Variants in CNOT10 observed in about 807,000 individuals in gnomAD.
The protein encoded by CNOT10 is CCR4-NOT transcription complex subunit 10, also known as CCR4-NOT transcription complex, subunit 10.
A neutral mutation model predicts 94.6 loss-of-function variants in CNOT10; 30 were observed. That is an observed-to-expected ratio of 0.32 (90% CI 0.24 to 0.43). The LOEUF (loss-of-function observed/expected upper bound fraction) is 0.43, where lower values mean the gene tolerates loss of function less well. Ranked by LOEUF, CNOT10 falls within the 20% of genes least tolerant of loss-of-function variation. The pLI, the probability that CNOT10 is intolerant of heterozygous loss-of-function variation, is 1.00. For synonymous variants in CNOT10, 289 were observed against 301.6 expected, an observed-to-expected ratio of 0.96 and a Z score of 0.43; for missense variants, 759 against 877.2, an observed-to-expected ratio of 0.87 and a Z score of 1.70.
chr3:32,753,714 G>T (rs1041840924), intron 13 of CNOT10: 70 of 1,592,552 alleles, frequency 4.4e-5, no homozygotes, highest in Non-Finnish European at 5.6e-5. Context: ...ATGAAAAGTT[G>T]GAGGGAGATG....
intron 13 of CNOT10, among the ~76,000 whole-genome samples, chr3:32,758,237 T>TACTAC (rs2125628843): frequency 6.6e-6 from 1 of 152,340 alleles, no homozygotes; most frequent in South Asian, 2.1e-4. Flanking sequence ...AGACAGTCTT[T>TACTAC]CAGCCCTCCC....
At chr3:32,721,628 A>G (rs1442646413) in intron 8 of CNOT10, among the ~76,000 whole-genome samples, 2 of 150,436 alleles carry the variant, frequency 1.3e-5, no homozygotes, top group Non-Finnish European at 3.0e-5. Context: ...TGCTAGGAAG[A>G]TAAGTATTAT....
rs777206392 is a variant in CNOT10 at position 32,733,403 on chromosome 3, A to G, written c.1216-20A>G. The G allele has an allele frequency of 3.9e-6, 6 of 1,533,984 alleles. No individual in the cohort carries two copies. In the Admixed American group the frequency reaches 1.2e-4, roughly 31 times the overall value. On this transcript the variant is annotated intron_variant, in intron 10 of 18. Transcript: ENST00000328834. ...CTTACAATTCCCTTAAATTTATTGGAAATTATTTGTATTTTGTAGACTTCT... is the reference window on the plus strand; with the variant it reads ...CTTACAATTCCCTTAAATTTATTGGGAATTATTTGTATTTTGTAGACTTCT...
intron 13 of CNOT10, among the ~76,000 whole-genome samples, chr3:32,748,386 T>G (rs1699803782): frequency 6.6e-6 from 1 of 152,230 alleles, no homozygotes; most frequent in Non-Finnish European, 1.5e-5. Flanking sequence ...TGGGCAGGAT[T>G]GATATTTTGG....
intron 13 of CNOT10, among the ~76,000 whole-genome samples, chr3:32,748,649 A>G: frequency 6.6e-6 from 1 of 151,712 alleles, no homozygotes; most frequent in East Asian, 1.9e-4. Flanking sequence ...AGTAGCTGGG[A>G]TTACAGCTGC....
At chr3:32,696,485 T>C (rs1697075378) in intron 1 of CNOT10, among the ~76,000 whole-genome samples, 1 of 152,216 alleles carries the variant, frequency 6.6e-6, no homozygotes, top group African/African-American at 2.4e-5. Flanking sequence ...GGTAAAATAA[T>C]GGTTCGTTAA....
chr3:32,724,557 C>G (rs980530574), intron 8 of CNOT10, among the ~76,000 whole-genome samples: 1 of 152,036 alleles, frequency 6.6e-6, no homozygotes, highest in Non-Finnish European at 1.5e-5. Context: ...GGACTACACG[C>G]GCCCGCCACC....
intron 4 of CNOT10, among the ~76,000 whole-genome samples, chr3:32,711,331 C>T (rs754999494): frequency 1.3e-5 from 2 of 152,070 alleles, no homozygotes; most frequent in South Asian, 4.1e-4. Context: ...TTTAAATAAT[C>T]GCTAAATTAC....
chr3:32,768,680 AAG>A (rs1477919090), intron 17 of CNOT10, among the ~76,000 whole-genome samples: 5 of 152,144 alleles, frequency 3.3e-5, no homozygotes, highest in Non-Finnish European at 7.3e-5. Context: ...ATTTTCTGAA[AAG>A]AGTTGTTATA....
intron 13 of CNOT10, among the ~76,000 whole-genome samples, chr3:32,738,752 G>GC (rs1400882795): frequency 2.0e-5 from 3 of 152,020 alleles, no homozygotes; most frequent in Non-Finnish European, 4.4e-5. Context: ...GTGAGCCACA[G>GC]CATCCGGCCT....
intron 13 of CNOT10, among the ~76,000 whole-genome samples, chr3:32,744,358 GC>G (rs377543980): frequency 2.2e-4 from 34 of 152,224 alleles, no homozygotes; most frequent in Middle Eastern, 3.4e-3. Context: ...CCAATGCAAA[GC>G]CCCATTTTCT....
chr3:32,773,440 G>C lies in CNOT10; in HGVS notation c.2081-17G>C, dbSNP rs762904584. On this transcript the variant is annotated splice_polypyrimidine_tract_variant and intron_variant, in intron 18 of 18. Transcript: ENST00000328834. Reference sequence around the variant, plus strand: ...ATTGTTCTGTGCTTTGTTTTTTAACGGGAAGTGTTTTTATAGGTAATACTC... The same window carrying C: ...ATTGTTCTGTGCTTTGTTTTTTAACCGGAAGTGTTTTTATAGGTAATACTC... The C allele has an allele frequency of 9.4e-6, 15 of 1,599,986 alleles. No homozygotes were observed. The highest frequency in any genetic ancestry group is 1.2e-5 in the Non-Finnish European group (14 of 1,172,814).
intron 1 of CNOT10, among the ~76,000 whole-genome samples, chr3:32,693,261 G>T (rs1038297477): frequency 1.3e-5 from 2 of 151,836 alleles, no homozygotes; most frequent in African/African-American, 2.4e-5. Flanking sequence ...CTGTTGCCCA[G>T]GCTGGAGTAC....
intron 10 of CNOT10, 125 bp from the exon 11 acceptor site, chr3:32,733,298 A>G (rs1015321150): frequency 7.2e-6 from 5 of 696,446 alleles, no homozygotes; most frequent in Non-Finnish European, 1.1e-5. Context: ...TTATCACCAA[A>G]AAAAGTCCTC....
rs190569971 is a variant in CNOT10, at chr3:32,685,328, C to G, written c.-133C>G. The stretch of plus-strand genomic sequence containing the variant: ...CTCAGCCCGCCGTCTGCCCACTCCT[C>G]TAGCCGGAACCTGGGGGCCCGGAGC... On this transcript the variant is annotated 5_prime_UTR_variant, in exon 1 of 19. Coordinates refer to ENST00000328834, the MANE Select transcript of CNOT10 (RefSeq NM_015442.3). 21 of 1,033,430 alleles carry G rather than the reference C, an allele frequency of 2.0e-5. No homozygotes were observed. The African/African-American group carries it at 3.0e-4, about 15-fold the overall frequency. The allele number at this position is 1,033,430 out of a possible 1,614,324, so 64.0% of individuals were successfully genotyped here.
chr3:32,749,159 A>G (rs1420116084), intron 13 of CNOT10, among the ~76,000 whole-genome samples: 3 of 148,254 alleles, frequency 2.0e-5, no homozygotes, highest in African/African-American at 2.5e-5. Flanking sequence ...ACTATCAGAT[A>G]TATGACTTGT....
chr3:32,732,959 A>G (rs188654191), intron 10 of CNOT10, among the ~76,000 whole-genome samples: 5 of 152,202 alleles, frequency 3.3e-5, no homozygotes, highest in African/African-American at 4.8e-5. Context: ...ACAGCTTATT[A>G]AAGTTTATAT....
At chr3:32,769,551 T>A (rs1700806389) in intron 17 of CNOT10, 1 of 231,504 alleles carries the variant, frequency 4.3e-6, no homozygotes, top group African/African-American at 2.2e-5. Context: ...AATACTGAAG[T>A]GTTACTTAGG....
rs376105136 is a variant in CNOT10, at chr3:32,737,309, G to A, written c.1515-101G>A. On this transcript the variant is annotated intron_variant, in intron 12 of 18. Coordinates refer to ENST00000328834, the MANE Select transcript of CNOT10 (RefSeq NM_015442.3). ...CATCCTGAGCGACGAGCAAAACTCT[G>A]TCTCAAAAAAAAAGTTGGGAGTAAG... 20 of 724,482 alleles carry A rather than the reference G, an allele frequency of 2.8e-5. No homozygotes were observed. In the African/African-American group the frequency reaches 3.4e-4, roughly 12 times the overall value. 44.9% of individuals were successfully genotyped at this position (724,482 alleles called of 1,614,324 possible).
Sources: allele counts gnomAD v4.1 joint callset (sites outside exome capture counted in the v4.1 genomes callset), GRCh38; gene constraint gnomAD v4.1.1; transcripts MANE v1.5; gene names NCBI Gene and HGNC (gene_info 2026-07-23, HGNC 2026-07-21).